The following RARB variants were observed in gnomAD, a reference collection of about 807,000 sequenced individuals.
The protein encoded by RARB is retinoic acid receptor beta, also known as HBV-activated protein.
RARB carries 17 observed loss-of-function variants against 51.9 expected under a neutral mutation model. That is an observed-to-expected ratio of 0.33 (90% CI 0.22 to 0.49). RARB has a LOEUF of 0.49. Ranked by LOEUF, RARB falls within the 20% of genes least tolerant of loss-of-function variation. The pLI, the probability that RARB is intolerant of heterozygous loss-of-function variation, is 0.99. For missense variants in RARB, 369 were observed against 550.8 expected (o/e 0.67, Z 3.30); for synonymous variants, 215 against 195.4 (o/e 1.10, Z -0.84).
At chr3:25,279,077 T>G (rs1164425476) in intron 5 of RARB, among the ~76,000 whole-genome samples, 2 of 152,208 alleles carry the variant, frequency 1.3e-5, no homozygotes, top group East Asian at 3.8e-4. Flanking sequence ...GGCTTTATGA[T>G]TTTTATAACC....
intron 2 of RARB, among the ~76,000 whole-genome samples, chr3:25,480,865 A>G (rs1304439340): frequency 6.6e-6 from 1 of 152,156 alleles, no homozygotes; most frequent in East Asian, 1.9e-4. Flanking sequence ...ATGGAGTACA[A>G]GCTTATAATG....
chr3:25,547,495 C>A (rs918360324), intron 3 of RARB, among the ~76,000 whole-genome samples: 2 of 152,188 alleles, frequency 1.3e-5, no homozygotes, highest in Non-Finnish European at 2.9e-5. Context: ...GTCCCATGTG[C>A]CAATTTAATG....
chr3:25,102,418 T>G, intron 3 of RARB, among the ~76,000 whole-genome samples: 1 of 151,806 alleles, frequency 6.6e-6, no homozygotes, highest in East Asian at 1.9e-4. Context: ...GCAATGCTTG[T>G]AATCCCAACT....
At chr3:25,107,161 A>G (rs1034743473) in intron 3 of RARB, among the ~76,000 whole-genome samples, 7 of 152,142 alleles carry the variant, frequency 4.6e-5, no homozygotes, top group East Asian at 1.9e-4. Context: ...TCGGCCTCCC[A>G]AAGTGCTGGG....
chr3:24,829,358 A>G (rs1207161112), exon 1 of RARB, among the ~76,000 whole-genome samples: 4 of 151,932 alleles, frequency 2.6e-5, no homozygotes, highest in Admixed American at 6.5e-5. Context: ...CTGAGGGCAC[A>G]GCCAGCGGGC....
At chr3:25,387,531 A>C (rs1392535405) in intron 5 of RARB, among the ~76,000 whole-genome samples, 1 of 152,118 alleles carries the variant, frequency 6.6e-6, no homozygotes, top group Non-Finnish European at 1.5e-5. Context: ...TTCTTCTCTT[A>C]TTTGTAGTAT....
At chr3:24,880,307 G>T (rs1018300809) in intron 2 of RARB, among the ~76,000 whole-genome samples, 2 of 151,890 alleles carry the variant, frequency 1.3e-5, no homozygotes, top group Non-Finnish European at 2.9e-5. Flanking sequence ...TTGGGGAAAG[G>T]GATCTTTGGA....
chr3:25,506,139 G>C (rs1269564778), intron 3 of RARB, among the ~76,000 whole-genome samples: 1 of 151,236 alleles, frequency 6.6e-6, no homozygotes, highest in Non-Finnish European at 1.5e-5. Flanking sequence ...TATAATCCCA[G>C]CTACTCAGGA....
In RARB at chr3:25,336,660, A is replaced by G. The variant is rs78794559; in HGVS notation, c.179-124533A>G. On this transcript the variant is annotated intron_variant, in intron 5 of 11. Coordinates refer to the RARB transcript ENST00000383772. ...ATATGGTACTTGAAACAAATTCTCA[A>G]CAATGACATTTGGACATTTATGGCC... 6.5e-3 allele frequency among the ~76,000 whole-genome samples: 986 copies of G among 152,312 alleles called. 6 individuals carry two copies. The highest frequency in any genetic ancestry group is 0.014 in the African/African-American group (581 of 41,562).
intron 5 of RARB, among the ~76,000 whole-genome samples, chr3:25,319,565 C>T (rs977278466): frequency 1.3e-5 from 2 of 152,136 alleles, no homozygotes; most frequent in African/African-American, 4.8e-5. Flanking sequence ...TGTCAGGTAC[C>T]ATAAAAACCC....
intron 3 of RARB, among the ~76,000 whole-genome samples, chr3:25,537,809 A>G (rs1488960259): frequency 6.6e-6 from 1 of 152,196 alleles, no homozygotes; most frequent in South Asian, 2.1e-4. Context: ...TTCTTTACCC[A>G]GGGCCTTCTC....
intron 1 of RARB, among the ~76,000 whole-genome samples, chr3:24,850,799 A>G (rs576854299): frequency 7.9e-5 from 12 of 152,300 alleles, no homozygotes; most frequent in African/African-American, 2.4e-4. Context: ...GTCAAGGATG[A>G]GGCCTGAAAT....
intron 1 of RARB, among the ~76,000 whole-genome samples, chr3:24,835,159 T>A (rs1159109773): frequency 6.6e-6 from 1 of 152,234 alleles, no homozygotes; most frequent in Non-Finnish European, 1.5e-5. Flanking sequence ...TTTTGCCTTT[T>A]GTACTTGGTG....
At chr3:25,361,633 C>G (rs1705937037) in intron 5 of RARB, among the ~76,000 whole-genome samples, 1 of 152,102 alleles carries the variant, frequency 6.6e-6, no homozygotes, top group Admixed American at 6.5e-5. Flanking sequence ...TACCTTTGTT[C>G]TTTGCTGTTG....
chr3:25,265,744 T>G (rs2125408832), intron 5 of RARB, among the ~76,000 whole-genome samples: 1 of 152,254 alleles, frequency 6.6e-6, no homozygotes, highest in South Asian at 2.1e-4. Flanking sequence ...AGTGCTAGGG[T>G]TACAGCCGTG....
rs189394054 is a variant in RARB, at chr3:24,979,765, C to G, written c.-379-80360C>G. 7.9e-5 allele frequency among the ~76,000 whole-genome samples: 12 copies of G among 152,136 alleles called. No homozygotes were observed. The East Asian group carries it at 2.3e-3, about 29-fold the overall frequency. ...GTGTCTTTTAATTGGGACATTTAAC[C>G]CATTTTCATTTAAGGTTAATATTGT... On this transcript the variant is annotated intron_variant, in intron 2 of 11. Coordinates refer to the RARB transcript ENST00000383772.
At chr3:25,288,364 C>T (rs1209460819) in intron 5 of RARB, among the ~76,000 whole-genome samples, 1 of 137,468 alleles carries the variant, frequency 7.3e-6, no homozygotes, top group Non-Finnish European at 1.6e-5. Flanking sequence ...CGCTTCTTCT[C>T]TCCCTAGTCA....
At position 25,361,706 on chromosome 3, in the gene RARB, G is replaced by C. The variant is rs533859040; in HGVS notation, c.179-99487G>C. 2.2e-3 allele frequency among the ~76,000 whole-genome samples: 338 copies of C among 152,296 alleles called. 3 individuals carry two copies. The highest frequency in any genetic ancestry group is 7.5e-3 in the African/African-American group (312 of 41,572). On this transcript the variant is annotated intron_variant, in intron 5 of 11. Transcript: ENST00000383772. ...GTTGATGTTGGTGCTATTGCTTTCT[G>C]TTTGTTAGTTTTCTTTCTACCAGTC... is the stretch of plus-strand genomic sequence containing the variant.
chr3:24,862,412 A>G (rs1702769233), intron 2 of RARB, among the ~76,000 whole-genome samples: 1 of 152,146 alleles, frequency 6.6e-6, no homozygotes, highest in African/African-American at 2.4e-5. Context: ...CTCCTTATCC[A>G]TGTTTTTGCC....
Sources: allele counts gnomAD v4.1 joint callset (sites outside exome capture counted in the v4.1 genomes callset), GRCh38; gene constraint gnomAD v4.1.1; transcripts MANE v1.5; gene names NCBI Gene and HGNC (gene_info 2026-07-23, HGNC 2026-07-21).